PCDHA5: variants seen among roughly 807,000 people sequenced by gnomAD.
PCDHA5 encodes protocadherin alpha-5.
PCDHA5 carries 43 observed loss-of-function variants against 61.6 expected under a neutral mutation model. The observed-to-expected ratio is 0.70, with a 90% confidence interval of 0.55 to 0.90. The LOEUF is 0.90. Ranked by LOEUF, PCDHA5 falls within the 40% of genes least tolerant of loss-of-function variation. The pLI is 0.00. For synonymous variants in PCDHA5, 627 were observed against 543.9 expected (o/e 1.15, Z -2.13); for missense variants, 1,298 against 1,222.7 (o/e 1.06, Z -0.92).
At chr5:140,842,965 C>G in intron 1 of PCDHA5, 2 of 1,594,984 alleles carry the variant, frequency 1.3e-6, no homozygotes, top group Non-Finnish European at 1.7e-6. Flanking sequence ...TGGGCAGCAA[C>G]GTGACGCTGC....
intron 3 of PCDHA5, among the ~76,000 whole-genome samples, chr5:140,988,398 C>A (rs531157517): frequency 1.3e-5 from 2 of 152,238 alleles, no homozygotes; most frequent in Non-Finnish European, 2.9e-5. Context: ...TGCCAGAGTT[C>A]TCTTCGCAGC....
intron 1 of PCDHA5, chr5:140,856,458 A>C: frequency 9.4e-6 from 15 of 1,598,416 alleles, no homozygotes; most frequent in Non-Finnish European, 1.3e-5. Flanking sequence ...GTAACAGAAC[A>C]AAAGCTCTCA....
chr5:140,985,504 A>G (rs1368014181), intron 3 of PCDHA5, among the ~76,000 whole-genome samples: 2 of 152,170 alleles, frequency 1.3e-5, no homozygotes, highest in Non-Finnish European at 2.9e-5. Context: ...CCTGCCTTTC[A>G]TTGATTCTGT....
chr5:140,829,694 G>A (rs1262192253), intron 1 of PCDHA5: 1 of 1,613,324 alleles, frequency 6.2e-7, no homozygotes, highest in Non-Finnish European at 8.5e-7. Flanking sequence ...GCAGTTTCAG[G>A]TGAGCGCGCG....
rs192376340 is a variant in PCDHA5, at chr5:140,857,538, G to T, written c.2352+33411G>T. The T allele has an allele frequency of 6.9e-6, 11 of 1,597,348 alleles. No individual in the cohort carries two copies. In the East Asian group the frequency reaches 2.0e-4, roughly 29 times the overall value. On this transcript the variant is annotated intron_variant, in intron 1 of 3. Transcript: ENST00000529859. Reference sequence around the variant, plus strand: ...GTGTCCTACTCTCTGGTGGAGCGGCGGTTGGGCGAGCGCTCGCTGTCGAGC... The same window carrying T: ...GTGTCCTACTCTCTGGTGGAGCGGCTGTTGGGCGAGCGCTCGCTGTCGAGC...
At chr5:140,951,420 T>G (rs1212893926) in intron 1 of PCDHA5, among the ~76,000 whole-genome samples, 3 of 151,992 alleles carry the variant, frequency 2.0e-5, no homozygotes, top group African/African-American at 7.2e-5. Flanking sequence ...TGGCTCACAG[T>G]TCCACAGGCT....
At chr5:140,928,711 A>C in intron 1 of PCDHA5, 1 of 1,614,098 alleles carries the variant, frequency 6.2e-7, no homozygotes, top group South Asian at 1.1e-5. Flanking sequence ...GTCTGACTCT[A>C]GTCTCTTTAG....
chr5:140,837,513 T>A (rs1414175460), intron 1 of PCDHA5, among the ~76,000 whole-genome samples: 2 of 96,810 alleles, frequency 2.1e-5, no homozygotes, highest in Admixed American at 9.8e-5. Flanking sequence ...CTGAAGCAGT[T>A]TACTTTTTTT....
In PCDHA5 at chr5:140,870,004, G is replaced by T. The variant is rs374513388; in HGVS notation, c.2352+45877G>T. 129 of 1,613,494 alleles carry T rather than the reference G, an allele frequency of 8.0e-5. No homozygotes were observed. Among genetic ancestry groups the T allele is most frequent in the Non-Finnish European group, 1.1e-4 (126 of 1,179,842 alleles). The stretch of plus-strand genomic sequence containing the variant: ...TACACTAGATCAAAATAATGGAGAA[G>T]TGAGGGTCAATGGAACTTTAGATTA... On this transcript the variant is annotated intron_variant, in intron 1 of 3. Coordinates refer to ENST00000529859, the MANE Select transcript of PCDHA5 (RefSeq NM_018908.3).
At chr5:140,882,408 G>T in intron 1 of PCDHA5, 2 of 1,614,138 alleles carry the variant, frequency 1.2e-6, no homozygotes, top group Non-Finnish European at 8.5e-7. Flanking sequence ...TTCGTGGGCC[G>T]CATCGCTCAG....
intron 1 of PCDHA5, chr5:140,966,814 CCGG>C (rs2096057641): frequency 1.9e-6 from 3 of 1,552,444 alleles, no homozygotes; most frequent in Non-Finnish European, 2.6e-6. Flanking sequence ...ATCCACGGCT[CCGG>C]CGGCCCATGC....
At chr5:141,003,173 G>A (rs782452600) in intron 3 of PCDHA5, among the ~76,000 whole-genome samples, 6 of 152,174 alleles carry the variant, frequency 3.9e-5, no homozygotes, top group Non-Finnish European at 5.9e-5. Context: ...AGTCCCTGAG[G>A]CTCAACTCCA....
chr5:140,988,332 A>G (rs2097293198), intron 3 of PCDHA5, among the ~76,000 whole-genome samples: 1 of 152,230 alleles, frequency 6.6e-6, no homozygotes, highest in Non-Finnish European at 1.5e-5. Context: ...ACCCGAGGAA[A>G]GTAAGTCCTT....
rs2150455221 is a variant in PCDHA5 at position 140,849,869 on chromosome 5, C to T, written c.2352+25742C>T. 12 of 1,598,574 alleles carry T rather than the reference C, an allele frequency of 7.5e-6. No homozygotes were observed. In the South Asian group the frequency reaches 8.8e-5, roughly 12 times the overall value. ...ACAACGCACCAGCGTTCGCGCAGTC[C>T]GAGTACACGGTGTTCGTGAAGGAGA... On this transcript the variant is annotated intron_variant, in intron 1 of 3. Transcript: ENST00000529859.
intron 1 of PCDHA5, chr5:140,882,427 G>C (rs201675412): frequency 1.6e-4 from 264 of 1,613,972 alleles, no homozygotes; most frequent in Middle Eastern, 1.7e-4. Context: ...AGGACCTGGG[G>C]CTGGAGCTGG....
chr5:140,990,148 A>T (rs1236453414), intron 3 of PCDHA5, among the ~76,000 whole-genome samples: 1 of 152,146 alleles, frequency 6.6e-6, no homozygotes, highest in African/African-American at 2.4e-5. Flanking sequence ...AGGCATAATA[A>T]TAGAAAGTTA....
chr5:140,863,279 T>C, intron 1 of PCDHA5: 1 of 1,461,288 alleles, frequency 6.8e-7, no homozygotes, highest in East Asian at 3.4e-5. Context: ...CTGGTGGATG[T>C]CAACGTGTAC....
At chr5:140,828,700 G>C (rs2150158039) in intron 1 of PCDHA5, 1 of 1,614,210 alleles carries the variant, frequency 6.2e-7, no homozygotes, top group South Asian at 1.1e-5. Flanking sequence ...TGGACAGAGA[G>C]GAAGCTCCTG....
At chr5:141,008,923 C>T (rs2098394604) in intron 3 of PCDHA5, among the ~76,000 whole-genome samples, 1 of 152,160 alleles carries the variant, frequency 6.6e-6, no homozygotes. Flanking sequence ...ATTTATTCAG[C>T]TAATTTTTCT....
Sources: allele counts gnomAD v4.1 joint callset (sites outside exome capture counted in the v4.1 genomes callset), GRCh38; gene constraint gnomAD v4.1.1; transcripts MANE v1.5; gene names NCBI Gene and HGNC (gene_info 2026-07-23, HGNC 2026-07-21).